NKAIN2: variants seen among roughly 807,000 people sequenced by gnomAD.
The protein encoded by NKAIN2 is sodium/potassium transporting ATPase interacting 2.
Under a neutral mutation model 32.6 loss-of-function variants are expected in NKAIN2, and 14 were observed. That is an observed-to-expected ratio of 0.43 (90% CI 0.28 to 0.67). The LOEUF (loss-of-function observed/expected upper bound fraction) is 0.67. Ranked by LOEUF, NKAIN2 falls within the 30% of genes least tolerant of loss-of-function variation. The pLI, the probability that NKAIN2 is intolerant of heterozygous loss-of-function variation, is 0.17. For missense variants in NKAIN2, 198 were observed against 258.3 expected, an observed-to-expected ratio of 0.77 and a Z score of 1.60; for synonymous variants, 80 against 87.2, an observed-to-expected ratio of 0.92 and a Z score of 0.46.
chr6:124,785,077 AG>A (rs1475077585), intron 4 of NKAIN2, among the ~76,000 whole-genome samples: 7 of 151,988 alleles, frequency 4.6e-5, no homozygotes, highest in Non-Finnish European at 1.0e-4. Context: ...GGGAAAAAAA[AG>A]TTAGGTCTTT....
At chr6:124,508,635 G>GGCCATGAGCCACCACA (rs1778590255) in intron 3 of NKAIN2, among the ~76,000 whole-genome samples, 18 of 152,102 alleles carry the variant, frequency 1.2e-4, no homozygotes, top group Admixed American at 1.2e-3. Context: ...GAGCCACCAC[G>GGCCATGAGCCACCACA]CCTGGCCATG....
chr6:123,999,889 G>C (rs987379721), intron 1 of NKAIN2, among the ~76,000 whole-genome samples: 8 of 152,042 alleles, frequency 5.3e-5, no homozygotes, highest in Non-Finnish European at 1.2e-4. Flanking sequence ...TTTAGTTGCT[G>C]TCAATGAGTT....
At chr6:124,261,882 A>AT (rs36080190) in intron 1 of NKAIN2, among the ~76,000 whole-genome samples, 16 of 151,294 alleles carry the variant, frequency 1.1e-4, no homozygotes, top group African/African-American at 3.9e-4. Flanking sequence ...AAAAAAAAAA[A>AT]TTTTGAAATG....
At chr6:124,352,971 C>A (rs988464959) in intron 2 of NKAIN2, among the ~76,000 whole-genome samples, 6 of 152,126 alleles carry the variant, frequency 3.9e-5, no homozygotes, top group African/African-American at 1.4e-4. Context: ...GAAACCAACT[C>A]CTTTAGAAAA....
At chr6:123,851,387 T>A (rs1775342195) in intron 1 of NKAIN2, among the ~76,000 whole-genome samples, 1 of 150,966 alleles carries the variant, frequency 6.6e-6, no homozygotes, top group African/African-American at 2.4e-5. Context: ...GTAGCTGGGA[T>A]TACAGGCATG....
rs1403173304 is a variant in NKAIN2, at chr6:123,929,350, C to G, written c.54+125096C>G. Reference sequence around the variant, plus strand: ...AAATACTCAACCTCCCTGAGTCTCTCTTCCTACCTCTTCTCACAGAGGAGA... The same window carrying G: ...AAATACTCAACCTCCCTGAGTCTCTGTTCCTACCTCTTCTCACAGAGGAGA... On this transcript the variant is annotated intron_variant, in intron 1 of 6. Transcript: ENST00000368417. 2.0e-5 allele frequency among the ~76,000 whole-genome samples: 3 copies of G among 152,100 alleles called. No individual in the cohort carries two copies. The East Asian group carries it at 5.8e-4, about 29-fold the overall frequency.
At chr6:124,659,013 T>C (rs1179873371) in intron 4 of NKAIN2, 1 of 150,458 alleles carries the variant, frequency 6.6e-6, no homozygotes, top group Non-Finnish European at 1.5e-5. Context: ...ACAAATAACA[T>C]ATGTGTACAA....
intron 1 of NKAIN2, among the ~76,000 whole-genome samples, chr6:124,004,349 A>T (rs1226078711): frequency 2.0e-5 from 3 of 152,124 alleles, no homozygotes; most frequent in African/African-American, 7.2e-5. Flanking sequence ...TCATTCAAAT[A>T]TATTTATGAG....
intron 1 of NKAIN2, among the ~76,000 whole-genome samples, chr6:123,847,187 C>T (rs1294908913): frequency 6.6e-6 from 1 of 152,216 alleles, no homozygotes; most frequent in South Asian, 2.1e-4. Context: ...GAAACATATT[C>T]TGCCATCTCT....
intron 3 of NKAIN2, among the ~76,000 whole-genome samples, chr6:124,623,884 A>G (rs1366641986): frequency 6.6e-6 from 1 of 152,070 alleles, no homozygotes; most frequent in African/African-American, 2.4e-5. Flanking sequence ...AAAAACACAG[A>G]CACTCTTTTC....
intron 4 of NKAIN2, among the ~76,000 whole-genome samples, chr6:124,726,187 C>A (rs550490039): frequency 6.6e-6 from 1 of 152,322 alleles, no homozygotes; most frequent in East Asian, 1.9e-4. Flanking sequence ...CAGAAAGCTC[C>A]AACTGGGCGG....
At chr6:124,168,638 A>G (rs1240847588) in intron 1 of NKAIN2, among the ~76,000 whole-genome samples, 1 of 152,068 alleles carries the variant, frequency 6.6e-6, no homozygotes, top group Non-Finnish European at 1.5e-5. Context: ...TTTTAGAACC[A>G]TTGCCTGTGT....
chr6:123,961,836 TA>T (rs2114613365), intron 1 of NKAIN2, among the ~76,000 whole-genome samples: 1 of 152,306 alleles, frequency 6.6e-6, no homozygotes, highest in African/African-American at 2.4e-5. Context: ...CAGATTTGAA[TA>T]TTAAGACTAT....
chr6:124,241,199 C>T (rs1261995103), intron 1 of NKAIN2, among the ~76,000 whole-genome samples: 1 of 152,004 alleles, frequency 6.6e-6, no homozygotes, highest in African/African-American at 2.4e-5. Flanking sequence ...TGTAAAGGAC[C>T]ACTTCAAGGA....
At chr6:124,635,230 C>T (rs1046219990) in intron 3 of NKAIN2, among the ~76,000 whole-genome samples, 1 of 151,874 alleles carries the variant, frequency 6.6e-6, no homozygotes, top group African/African-American at 2.4e-5. Flanking sequence ...CAAAAAAATG[C>T]TTAAGGGAGT....
chr6:124,135,053 A>G (rs1786669568), intron 1 of NKAIN2, among the ~76,000 whole-genome samples: 1 of 152,120 alleles, frequency 6.6e-6, no homozygotes, highest in Non-Finnish European at 1.5e-5. Context: ...GGCAAAAGAG[A>G]GAGAAGGTCA....
intron 1 of NKAIN2, among the ~76,000 whole-genome samples, chr6:123,959,557 G>T (rs1011856702): frequency 6.6e-6 from 1 of 152,056 alleles, no homozygotes. Context: ...ATTGCCAAAG[G>T]GGTATATTCA....
At chr6:123,847,518 G>A (rs1454484956) in intron 1 of NKAIN2, among the ~76,000 whole-genome samples, 2 of 152,000 alleles carry the variant, frequency 1.3e-5, no homozygotes, top group South Asian at 2.1e-4. Context: ...AATGGAAGAT[G>A]GATGTCTTAT....
chr6:124,043,311 A>G (rs996896341), intron 1 of NKAIN2, among the ~76,000 whole-genome samples: 1 of 152,052 alleles, frequency 6.6e-6, no homozygotes, highest in Non-Finnish European at 1.5e-5. Context: ...TCCAGACTGT[A>G]TGACAGAGTG....
Sources: allele counts gnomAD v4.1 joint callset (sites outside exome capture counted in the v4.1 genomes callset), GRCh38; gene constraint gnomAD v4.1.1; transcripts MANE v1.5; gene names NCBI Gene and HGNC (gene_info 2026-07-23, HGNC 2026-07-21).